TRHDE: variants seen among roughly 807,000 people sequenced by gnomAD.
TRHDE encodes thyrotropin-releasing hormone-degrading ectoenzyme.
TRHDE carries 72 observed loss-of-function variants against 125.7 expected under a neutral mutation model. The observed-to-expected ratio is 0.57, with a 90% confidence interval of 0.47 to 0.70. The LOEUF is 0.70. Among genes scored for constraint, TRHDE ranks in the 30% least tolerant of loss-of-function variants. The pLI is 0.00. For missense variants in TRHDE, 1,110 were observed against 1,327.1 expected (o/e 0.84, Z 2.54); for synonymous variants, 509 against 509.1 (o/e 1.00, Z 0.00).
intron 12 of TRHDE, among the ~76,000 whole-genome samples, chr12:72,603,332 T>C (rs1872284032): frequency 2.0e-5 from 3 of 151,986 alleles, no homozygotes. Flanking sequence ...CGGGTGTGTG[T>C]GGTGTGTGTT....
intron 12 of TRHDE, among the ~76,000 whole-genome samples, chr12:72,614,595 A>G (rs1015302502): frequency 1.3e-4 from 20 of 152,164 alleles, no homozygotes; most frequent in African/African-American, 4.6e-4. Context: ...TTCAGCATAT[A>G]TTATTAAATA....
chr12:72,247,507 C>T (rs1464360094), intron 2 of TRHDE, among the ~76,000 whole-genome samples: 2 of 150,348 alleles, frequency 1.3e-5, no homozygotes, highest in Non-Finnish European at 2.9e-5. Context: ...TACTCTGAGC[C>T]TCAGACTCAG....
intron 2 of TRHDE, among the ~76,000 whole-genome samples, chr12:72,301,956 T>C (rs907666662): frequency 5.3e-5 from 8 of 152,226 alleles, no homozygotes; most frequent in Admixed American, 2.6e-4. Flanking sequence ...ATAATACTGC[T>C]AGATCTCCCA....
chr12:72,615,027 T>G (rs1445637567), intron 12 of TRHDE, among the ~76,000 whole-genome samples: 1 of 152,112 alleles, frequency 6.6e-6, no homozygotes, highest in African/African-American at 2.4e-5. Context: ...AGGATATATG[T>G]GTGCATGCAG....
In TRHDE at chr12:72,272,860, C is replaced by T; in HGVS notation, c.217C>T (p.Arg73Cys). 3 of 1,581,454 alleles carry T rather than the reference C, an allele frequency of 1.9e-6. No homozygotes were observed. ...PWADSVGVRP[R>C]TTERHIAVHK... Reference sequence around the variant, plus strand: ...GGCAGACTCAGTGGGAGTGCGACCCCGCACCACGGAGCGCCACATCGCCGT... The same window carrying T: ...GGCAGACTCAGTGGGAGTGCGACCCTGCACCACGGAGCGCCACATCGCCGT... Residue 73 changes from arginine (R) to cysteine (C), a missense_variant, in exon 1 of 19, where the codon CGC (arginine) becomes TGC (cysteine). Arg to Cys is a radical substitution (Grantham distance 180). This residue lies in a region of TRHDE where 248 missense variants were observed against 240.8 expected (regional missense o/e 1.03). Transcript: ENST00000261180. The surrounding 1 kb of genome is among the most constrained non-coding windows in gnomAD (Gnocchi z 6.7).
intron 3 of TRHDE, among the ~76,000 whole-genome samples, chr12:72,467,225 C>T (rs1004399649): frequency 6.6e-6 from 1 of 150,634 alleles, no homozygotes; most frequent in Non-Finnish European, 1.5e-5. Context: ...TAATGCTATC[C>T]CTCCCCACTC....
intron 15 of TRHDE, among the ~76,000 whole-genome samples, chr12:72,626,137 A>G (rs1260006620): frequency 6.6e-6 from 1 of 151,936 alleles, no homozygotes; most frequent in African/African-American, 2.4e-5. Flanking sequence ...TATAGGTACC[A>G]CACTTTGGGA....
intron 2 of TRHDE, among the ~76,000 whole-genome samples, chr12:72,250,291 G>C (rs1429091020): frequency 6.6e-6 from 1 of 152,124 alleles, no homozygotes; most frequent in Non-Finnish European, 1.5e-5. Context: ...GCATAGTATA[G>C]GTAATAATTG....
chr12:72,619,985 A>T (rs114015951), intron 13 of TRHDE, among the ~76,000 whole-genome samples: 28,852 of 151,368 alleles, frequency 0.19, 5,749 homozygotes, highest in African/African-American at 0.51. Flanking sequence ...ATTTTTTTTA[A>T]AAAATGGGAA....
intron 1 of TRHDE, among the ~76,000 whole-genome samples, chr12:72,090,664 A>G (rs925195022): frequency 1.3e-5 from 2 of 152,184 alleles, no homozygotes; most frequent in East Asian, 3.8e-4. Flanking sequence ...ACCCAGGGAT[A>G]TAGGTAGATA....
At chr12:72,215,395 G>A (rs991669536) in intron 2 of TRHDE, among the ~76,000 whole-genome samples, 10 of 152,146 alleles carry the variant, frequency 6.6e-5, no homozygotes, top group Non-Finnish European at 1.2e-4. Flanking sequence ...CAGGCCATCT[G>A]GGCGTATATG....
At chr12:72,585,844 A>G (rs960634664) in intron 12 of TRHDE, among the ~76,000 whole-genome samples, 1 of 152,244 alleles carries the variant, frequency 6.6e-6, no homozygotes, top group Non-Finnish European at 1.5e-5. Context: ...CTCAAAATAA[A>G]AATCCTCTTA....
chr12:72,355,651 A>C (rs1051781851), intron 2 of TRHDE, among the ~76,000 whole-genome samples: 1 of 151,884 alleles, frequency 6.6e-6, no homozygotes, highest in Non-Finnish European at 1.5e-5. Flanking sequence ...TTTGCAAACT[A>C]TTCATCTGAC....
intron 5 of TRHDE, among the ~76,000 whole-genome samples, chr12:72,488,227 GT>G (rs1877504014): frequency 6.6e-6 from 1 of 152,032 alleles, no homozygotes; most frequent in Non-Finnish European, 1.5e-5. Context: ...GTGGCTGAGT[GT>G]ATAAGAAGAC....
At chr12:72,619,515 C>G (rs1308047081) in intron 13 of TRHDE, among the ~76,000 whole-genome samples, 1 of 152,036 alleles carries the variant, frequency 6.6e-6, no homozygotes, top group African/African-American at 2.4e-5. Context: ...GTAATTGGGT[C>G]CAAGGGGATA....
chr12:72,244,555 AAT>A (rs1555170568), intron 2 of TRHDE, among the ~76,000 whole-genome samples: 2 of 151,822 alleles, frequency 1.3e-5, no homozygotes, highest in African/African-American at 2.4e-5. Flanking sequence ...ACTAATTTTA[AAT>A]ATATTTATGA....
intron 6 of TRHDE, among the ~76,000 whole-genome samples, chr12:72,527,070 T>C (rs997521874): frequency 2.7e-5 from 4 of 147,632 alleles, no homozygotes; most frequent in Non-Finnish European, 5.9e-5. Flanking sequence ...CTCTTATGCT[T>C]ATTTAGTGTT....
At chr12:72,101,642 C>G (rs528770136) in intron 1 of TRHDE, among the ~76,000 whole-genome samples, 1 of 152,294 alleles carries the variant, frequency 6.6e-6, no homozygotes, top group East Asian at 1.9e-4. Flanking sequence ...TTTGGCAGAT[C>G]CTTCATTCCA....
At chr12:72,293,145 C>T (rs1267952027) in intron 2 of TRHDE, among the ~76,000 whole-genome samples, 1 of 151,556 alleles carries the variant, frequency 6.6e-6, no homozygotes, top group African/African-American at 2.4e-5. Flanking sequence ...CTCTGAGTGG[C>T]CTGAGCTTCC....
Sources: allele counts gnomAD v4.1 joint callset (sites outside exome capture counted in the v4.1 genomes callset), GRCh38; gene constraint gnomAD v4.1.1; regional missense constraint gnomAD v4.1.1; non-coding constraint Gnocchi (gnomAD v3.1); transcripts MANE v1.5; gene names NCBI Gene and HGNC (gene_info 2026-07-23, HGNC 2026-07-21).